The following LDB2 variants were observed in gnomAD, a reference collection of about 807,000 sequenced individuals.
The protein encoded by LDB2 is LIM domain-binding protein 2.
A neutral mutation model predicts 44.3 loss-of-function variants in LDB2; 12 were observed. That is an observed-to-expected ratio of 0.27 (90% CI 0.17 to 0.44). LDB2 has a LOEUF of 0.44. LDB2 is among the 20% of genes least tolerant of loss of function. The probability of loss-of-function intolerance (pLI) is 1.00; values close to 1 mark genes in which losing one functional copy is unlikely to be tolerated. For missense variants in LDB2, 344 were observed against 473.5 expected (o/e 0.73, Z 2.54); for synonymous variants, 164 against 174.8 (o/e 0.94, Z 0.49).
At chr4:16,804,251 C>T (rs897866478) in intron 1 of LDB2, among the ~76,000 whole-genome samples, 1 of 152,074 alleles carries the variant, frequency 6.6e-6, no homozygotes, top group South Asian at 2.1e-4. Flanking sequence ...TGGCTAGGTA[C>T]ATATTTTTAT....
intron 1 of LDB2, among the ~76,000 whole-genome samples, chr4:16,766,687 G>A (rs1006831892): frequency 6.6e-6 from 1 of 151,654 alleles, no homozygotes; most frequent in African/African-American, 2.4e-5. Flanking sequence ...TGTATTTTTA[G>A]TAGAGACAGG....
At chr4:16,815,909 A>C (rs1007652876) in intron 1 of LDB2, among the ~76,000 whole-genome samples, 2 of 152,240 alleles carry the variant, frequency 1.3e-5, no homozygotes, top group Non-Finnish European at 2.9e-5. Flanking sequence ...TATTTGGCTT[A>C]AAATCATATT....
rs144504489 is a variant in LDB2, at chr4:16,505,346, T to TGA, written c.892-2475_892-2474dup. Among the ~76,000 whole-genome samples, 49 of 151,192 alleles carry TGA rather than the reference T, an allele frequency of 3.2e-4. No homozygotes were observed. The East Asian group carries it at 5.0e-3, about 16-fold the overall frequency. On this transcript the variant is annotated intron_variant, in intron 7 of 7. Transcript: ENST00000304523. ...CTAGATACTTAGTTGTGTGTGTGTGTGAGAGAGAGAGAGCGTGTGTGTGTG... is the reference window on the plus strand; with the variant it reads ...CTAGATACTTAGTTGTGTGTGTGTGTGAGAGAGAGAGAGAGCGTGTGTGTGTG...
rs562184189 is a variant in LDB2, at chr4:16,821,746, C to CAAAAAAAAAAAAAA, written c.133-62500_133-62487dup. On this transcript the variant is annotated intron_variant, in intron 1 of 7. Transcript: ENST00000304523. ...AATGGAAACCATTCCAACATTAAAG[C>CAAAAAAAAAAAAAA]AAAAAAAAAAAAAAAAAAAAAAAAT... 8.9e-4 allele frequency among the ~76,000 whole-genome samples: 55 copies of CAAAAAAAAAAAAAA among 61,730 alleles called. 3 individuals carry two copies. The highest frequency in any genetic ancestry group is 1.1e-3 in the African/African-American group (17 of 15,776). 40.5% of individuals were successfully genotyped at this position (61,730 alleles called of 152,430 possible).
chr4:16,711,099 T>C (rs1299051149), intron 2 of LDB2, among the ~76,000 whole-genome samples: 1 of 152,190 alleles, frequency 6.6e-6, no homozygotes, highest in Non-Finnish European at 1.5e-5. Flanking sequence ...ACTCTTACAA[T>C]CTAGGGGGAT....
At chr4:16,656,133 C>T (rs1739784329) in intron 2 of LDB2, among the ~76,000 whole-genome samples, 1 of 152,114 alleles carries the variant, frequency 6.6e-6, no homozygotes, top group South Asian at 2.1e-4. Flanking sequence ...ATCTCCGGAC[C>T]TCGTGATCCA....
chr4:16,740,391 C>T (rs183278254), intron 2 of LDB2, among the ~76,000 whole-genome samples: 6 of 152,356 alleles, frequency 3.9e-5, no homozygotes, highest in African/African-American at 1.4e-4. Context: ...GTGTCTATCA[C>T]GATGCATCCT....
chr4:16,884,889 T>A (rs989953400), intron 1 of LDB2, among the ~76,000 whole-genome samples: 15 of 152,000 alleles, frequency 9.9e-5, no homozygotes, highest in African/African-American at 3.4e-4. Flanking sequence ...GCATCCCAGG[T>A]ACAGATGGAT....
intron 1 of LDB2, among the ~76,000 whole-genome samples, chr4:16,847,852 G>A (rs1410581363): frequency 6.6e-6 from 1 of 152,142 alleles, no homozygotes; most frequent in Non-Finnish European, 1.5e-5. Flanking sequence ...TCCTGACCTC[G>A]TGATCCACCC....
chr4:16,502,506 C>G lies in LDB2; in HGVS notation c.*137G>C. Reference sequence around the variant, plus strand: ...GAAAAAAAGAAAGAAGAAAGAAAATCAGATCATTGTGGTTTAGAAATAGAT... The same window carrying G: ...GAAAAAAAGAAAGAAGAAAGAAAATGAGATCATTGTGGTTTAGAAATAGAT... On this transcript the variant is annotated 3_prime_UTR_variant, in exon 8 of 8. Transcript: ENST00000304523. 8.4e-7 allele frequency: 1 copy of G among 1,193,610 alleles called. No homozygotes were observed. Among genetic ancestry groups the G allele is most frequent in the Non-Finnish European group, 1.2e-6 (1 of 841,080 alleles). 73.9% of individuals were successfully genotyped at this position (1,193,610 alleles called of 1,614,324 possible).
At chr4:16,863,116 AGTATTGAT>A (rs1713302575) in intron 1 of LDB2, among the ~76,000 whole-genome samples, 1 of 152,198 alleles carries the variant, frequency 6.6e-6, no homozygotes, top group Admixed American at 6.5e-5. Context: ...AGTCCTTAAG[AGTATTGAT>A]GTATTGACTA....
intron 5 of LDB2, among the ~76,000 whole-genome samples, chr4:16,519,469 A>G (rs1469263686): frequency 4.6e-5 from 7 of 151,984 alleles, no homozygotes; most frequent in African/African-American, 1.4e-4. Flanking sequence ...ACCTCTCTGA[A>G]TATCAGTGGC....
At chr4:16,519,993 A>G (rs2152270996) in intron 5 of LDB2, among the ~76,000 whole-genome samples, 1 of 152,192 alleles carries the variant, frequency 6.6e-6, no homozygotes, top group East Asian at 2.0e-4. Context: ...CTAGATAACA[A>G]TGAATGCCCC....
chr4:16,581,263 T>A (rs917922343), intron 5 of LDB2: 7 of 219,614 alleles, frequency 3.2e-5, no homozygotes, highest in Non-Finnish European at 4.6e-5. Flanking sequence ...AGAGATGGCG[T>A]AGCCCATTTC....
chr4:16,883,327 A>G (rs1273960031), intron 1 of LDB2, among the ~76,000 whole-genome samples: 1 of 152,246 alleles, frequency 6.6e-6, no homozygotes, highest in Non-Finnish European at 1.5e-5. Context: ...TTCATAGCTC[A>G]TCTAATCCAA....
intron 5 of LDB2, among the ~76,000 whole-genome samples, chr4:16,551,089 A>G (rs550849235): frequency 6.0e-4 from 91 of 152,342 alleles, no homozygotes; most frequent in Non-Finnish European, 1.2e-3. Context: ...GAATGTATAC[A>G]TGCATAATTA....
intron 1 of LDB2, among the ~76,000 whole-genome samples, chr4:16,768,202 T>C (rs1769797312): frequency 6.6e-6 from 1 of 152,170 alleles, no homozygotes; most frequent in Non-Finnish European, 1.5e-5. Flanking sequence ...TGTTTTTTTT[T>C]TATTAAAATA....
intron 2 of LDB2, among the ~76,000 whole-genome samples, chr4:16,672,961 TCTCC>T (rs1250349238): frequency 6.6e-6 from 1 of 151,316 alleles, no homozygotes; most frequent in Non-Finnish European, 1.5e-5. Flanking sequence ...CTTTTTCCTT[TCTCC>T]CTCCCTCCAT....
chr4:16,527,870 T>C (rs1249505207), intron 5 of LDB2, among the ~76,000 whole-genome samples: 2 of 152,136 alleles, frequency 1.3e-5, no homozygotes, highest in African/African-American at 4.8e-5. Flanking sequence ...ATTTCAGTAA[T>C]CATTTCACTA....
Sources: allele counts gnomAD v4.1 joint callset (sites outside exome capture counted in the v4.1 genomes callset), GRCh38; gene constraint gnomAD v4.1.1; transcripts MANE v1.5; gene names NCBI Gene and HGNC (gene_info 2026-07-23, HGNC 2026-07-21).